The following HVCN1 variants were observed in gnomAD, a reference collection of about 807,000 sequenced individuals.
HVCN1 encodes the protein voltage-gated hydrogen channel 1.
A neutral mutation model predicts 29.2 loss-of-function variants in HVCN1; 14 were observed. The ratio of observed to expected loss-of-function variants is 0.48; its 90% CI spans 0.32 to 0.75. The LOEUF is 0.75. HVCN1 is among the 30% of genes least tolerant of loss of function. The pLI is 0.04. For synonymous variants in HVCN1, 131 were observed against 133.2 expected (o/e 0.98, Z 0.11); for missense variants, 263 against 341.8 (o/e 0.77, Z 1.82).
chr12:110,660,825 T>C (rs558252808), intron 4 of HVCN1, among the ~76,000 whole-genome samples: 1 of 152,330 alleles, frequency 6.6e-6, no homozygotes, highest in South Asian at 2.1e-4. Flanking sequence ...CTCAGCACCA[T>C]GTTTTCAAGG....
rs567209462 is a variant in HVCN1, at chr12:110,649,785, G to A, written c.757-310C>T. On this transcript the variant is annotated intron_variant, in intron 7 of 7. Transcript: ENST00000242607. ...AGGCAGGCTCAGCCCAGGGAAGGGC[G>A]CTCTAGGTGCATGAGCAGCGCTCTG... Among the ~76,000 whole-genome samples, 24 of 152,322 alleles carry A rather than the reference G, an allele frequency of 1.6e-4. 1 individual carries two copies. The highest frequency in any genetic ancestry group is 5.5e-4 in the African/African-American group (23 of 41,556).
chr12:110,696,300 A>T (rs187018161), intron 2 of HVCN1, among the ~76,000 whole-genome samples: 1 of 152,274 alleles, frequency 6.6e-6, no homozygotes, highest in East Asian at 1.9e-4. Context: ...TACACATAAC[A>T]TAAACGTTAC....
At chr12:110,683,658 C>A (rs930342749) in intron 2 of HVCN1, among the ~76,000 whole-genome samples, 3 of 152,002 alleles carry the variant, frequency 2.0e-5, no homozygotes, top group Admixed American at 2.0e-4. Flanking sequence ...ACTTGTAATC[C>A]CAGCACTTTT....
At chr12:110,672,949 T>TATTATAGTGAAACTATAGTGAAAGTATA (rs1247889884) in intron 3 of HVCN1, among the ~76,000 whole-genome samples, 5 of 152,156 alleles carry the variant, frequency 3.3e-5, no homozygotes, top group Admixed American at 2.6e-4. Flanking sequence ...TTATCAGCAG[T>TATTATAGTGAAACTATAGTGAAAGTATA]GTGAAAACTA....
chr12:110,687,780 A>G (rs539742227), intron 2 of HVCN1, among the ~76,000 whole-genome samples: 3 of 152,182 alleles, frequency 2.0e-5, no homozygotes, highest in Middle Eastern at 3.2e-3. Context: ...CCAAGCCCCA[A>G]TGACTAGCAA....
intron 2 of HVCN1, among the ~76,000 whole-genome samples, chr12:110,687,125 T>A (rs1356638698): frequency 6.6e-6 from 1 of 151,958 alleles, no homozygotes; most frequent in African/African-American, 2.4e-5. Flanking sequence ...CATTCCTAGG[T>A]GCCAGGCACT....
chr12:110,671,257 G>T (rs1238736557), intron 3 of HVCN1, among the ~76,000 whole-genome samples: 1 of 152,178 alleles, frequency 6.6e-6, no homozygotes, highest in Non-Finnish European at 1.5e-5. Flanking sequence ...AACTCGAGAG[G>T]CTGCAGTGAG....
At position 110,655,321 on chromosome 12, in the gene HVCN1, C is replaced by G; in HGVS notation, c.324G>C (p.Leu108Phe). ...GCACCAGGAGGGCATCCAGAACCACCAAGCAGATGATGATGACCTGTGGGC... is the reference window on the plus strand; with the variant it reads ...GCACCAGGAGGGCATCCAGAACCACGAAGCAGATGATGATGACCTGTGGGC... ...SHRFQVIIICLVVLDALLVLA... is the reference protein window; with the variant it reads ...SHRFQVIIICFVVLDALLVLA... Residue 108 changes from leucine (L) to phenylalanine (F), a missense_variant, in exon 5 of 8, where the codon TTG becomes TTC. This residue lies in a region of HVCN1 where 157 missense variants were observed against 181.3 expected (regional missense o/e 0.87). Coordinates refer to ENST00000242607, the MANE Select transcript of HVCN1 (RefSeq NM_032369.4). The G allele has an allele frequency of 6.2e-7, 1 of 1,613,670 alleles. No homozygotes were observed. The highest frequency in any genetic ancestry group is 8.5e-7 in the Non-Finnish European group (1 of 1,179,730).
chr12:110,654,750 G>T (rs1429405160), intron 5 of HVCN1, among the ~76,000 whole-genome samples: 1 of 152,170 alleles, frequency 6.6e-6, no homozygotes, highest in Non-Finnish European at 1.5e-5. Context: ...AAAGTGCAGA[G>T]ACTAAAGGTG....
intron 4 of HVCN1, 133 bp from the exon 5 acceptor site, chr12:110,655,471 C>T: frequency 1.5e-6 from 1 of 650,442 alleles, no homozygotes; most frequent in East Asian, 2.8e-5. Flanking sequence ...GAGGCTACTG[C>T]TATAGCTCGC....
At chr12:110,683,070 C>A in intron 3 of HVCN1, 155 bp downstream of exon 3, 2 of 1,029,570 alleles carry the variant, frequency 1.9e-6, no homozygotes, top group Non-Finnish European at 3.0e-6. Context: ...TTGTGAAGTC[C>A]TTTTACAGCT....
chr12:110,674,841 G>A (rs1436345838), intron 3 of HVCN1, among the ~76,000 whole-genome samples: 1 of 152,080 alleles, frequency 6.6e-6, no homozygotes, highest in Non-Finnish European at 1.5e-5. Flanking sequence ...ACAAATACAA[G>A]GTTTATCCCT....
In HVCN1 at chr12:110,673,863, G is replaced by C. The variant is rs571733311; in HGVS notation, c.21+9362C>G. On this transcript the variant is annotated intron_variant, in intron 3 of 7. Transcript: ENST00000242607. ...TTGCTTCAGGGGTGGGGCCCTCATG[G>C]AGAACCTCTGCTAGGGCAGTGCAGA... Among the ~76,000 whole-genome samples the C allele has an allele frequency of 6.6e-5, 10 of 152,362 alleles. No homozygotes were observed. The South Asian group carries it at 1.9e-3, about 28-fold the overall frequency.
At chr12:110,657,268 CA>C (rs1352038855) in intron 4 of HVCN1, among the ~76,000 whole-genome samples, 2 of 152,018 alleles carry the variant, frequency 1.3e-5, no homozygotes, top group African/African-American at 4.8e-5. Flanking sequence ...CAGAGGCGGG[CA>C]GATCACCTGA....
chr12:110,656,065 T>G (rs1168273023), intron 4 of HVCN1, among the ~76,000 whole-genome samples: 1 of 152,114 alleles, frequency 6.6e-6, no homozygotes, highest in Non-Finnish European at 1.5e-5. Context: ...GAACAGATGC[T>G]CAATAAATAA....
chr12:110,662,487 C>T (rs1054228919), intron 3 of HVCN1, among the ~76,000 whole-genome samples: 8 of 152,148 alleles, frequency 5.3e-5, no homozygotes, highest in Admixed American at 3.3e-4. Context: ...AGTAGATTGC[C>T]TGAGGTCAGG....
rs111471635 is a variant in HVCN1, at chr12:110,669,628, T to C, written c.22-8180A>G. On this transcript the variant is annotated intron_variant, in intron 3 of 7. Transcript: ENST00000242607. The stretch of plus-strand genomic sequence containing the variant: ...ATTTTACCTTCCCTGGGAGGCCTTC[T>C]TTAATTCTCCCTCACCCCAGTTGGG... Among the ~76,000 whole-genome samples, 1,225 of 152,240 alleles carry C rather than the reference T, an allele frequency of 8.0e-3. 2 individuals are homozygous for C. The highest frequency in any genetic ancestry group is 9.4e-3 in the Non-Finnish European group (637 of 68,006).
chr12:110,702,663 T>G (rs1024742460), intron 1 of HVCN1, among the ~76,000 whole-genome samples: 2 of 149,948 alleles, frequency 1.3e-5, no homozygotes, highest in African/African-American at 4.9e-5. Flanking sequence ...TTGTATTTTT[T>G]TTTTTTTTGA....
intron 2 of HVCN1, chr12:110,688,363 C>T (rs1161001072): frequency 6.6e-6 from 1 of 152,256 alleles, no homozygotes; most frequent in Non-Finnish European, 1.5e-5. Context: ...GAACTGCTCT[C>T]CCCTCTCTGT....
Sources: gnomAD v4.1 joint callset for allele counts (sites outside exome capture counted in the v4.1 genomes callset) on GRCh38, gnomAD v4.1.1 for gene constraint, gnomAD v4.1.1 regional missense constraint, MANE v1.5 for transcripts, NCBI Gene and HGNC (gene_info 2026-07-23, HGNC 2026-07-21) for gene names.